Variants in GPHN observed in about 807,000 individuals in gnomAD.
GPHN encodes the protein gephyrin.
GPHN carries 17 observed loss-of-function variants against 95.5 expected under a neutral mutation model. The ratio of observed to expected loss-of-function variants is 0.18; its 90% CI spans 0.12 to 0.27. The LOEUF is 0.27. GPHN is among the 10% of genes least tolerant of loss of function. GPHN has a pLI of 1.00. For missense variants in GPHN, 660 were observed against 978.1 expected, an observed-to-expected ratio of 0.67 and a Z score of 4.34; for synonymous variants, 320 against 322.5, an observed-to-expected ratio of 0.99 and a Z score of 0.08.
intron 1 of GPHN, among the ~76,000 whole-genome samples, chr14:66,585,414 T>A (rs988314040): frequency 5.9e-5 from 9 of 152,226 alleles, no homozygotes; most frequent in Non-Finnish European, 2.9e-5. Context: ...TCTTATTTAT[T>A]TCTTGCATTC....
intron 21 of GPHN, among the ~76,000 whole-genome samples, chr14:67,179,311 A>C (rs915799029): frequency 1.3e-5 from 2 of 152,184 alleles, no homozygotes; most frequent in Admixed American, 6.5e-5. Flanking sequence ...ACTGGAGCCC[A>C]GGAGGTCAAG....
At chr14:66,703,271 A>G (rs2068734360) in intron 2 of GPHN, among the ~76,000 whole-genome samples, 1 of 152,194 alleles carries the variant, frequency 6.6e-6, no homozygotes, top group African/African-American at 2.4e-5. Flanking sequence ...AGACAGGCCA[A>G]CATGCAAATT....
intron 10 of GPHN, among the ~76,000 whole-genome samples, chr14:67,054,370 A>G (rs2075449659): frequency 6.6e-6 from 1 of 152,218 alleles, no homozygotes; most frequent in African/African-American, 2.4e-5. Context: ...AAGAGAAAAA[A>G]TACCTAGGAA....
chr14:66,704,010 G>T (rs1218088944), intron 2 of GPHN, among the ~76,000 whole-genome samples: 1 of 150,810 alleles, frequency 6.6e-6, no homozygotes, highest in Non-Finnish European at 1.5e-5. Context: ...AAGGGCAGGA[G>T]TTGCAATCCT....
At chr14:67,000,283 G>A (rs1159920335) in intron 9 of GPHN, among the ~76,000 whole-genome samples, 2 of 151,542 alleles carry the variant, frequency 1.3e-5, no homozygotes, top group African/African-American at 4.8e-5. Context: ...AAGAAAAGAA[G>A]GGAGAGAGGA....
At chr14:67,013,633 T>C (rs928208355) in intron 9 of GPHN, among the ~76,000 whole-genome samples, 4 of 152,044 alleles carry the variant, frequency 2.6e-5, no homozygotes, top group African/African-American at 9.7e-5. Context: ...TAGTGCAGTA[T>C]AGACATATAT....
chr14:66,565,784 A>G (rs2140317203), intron 1 of GPHN, among the ~76,000 whole-genome samples: 1 of 152,306 alleles, frequency 6.6e-6, no homozygotes, highest in East Asian at 1.9e-4. Context: ...TGTGTGAACT[A>G]ACAGATATTA....
At chr14:67,431,957 A>C in the GPHN span, among the ~76,000 whole-genome samples, 1 of 152,184 alleles carries the variant, frequency 6.6e-6, no homozygotes, top group African/African-American at 2.4e-5. Flanking sequence ...TCTTTATTTA[A>C]TGTGTTCATG....
intron 1 of GPHN, among the ~76,000 whole-genome samples, chr14:66,587,952 C>G (rs919596133): frequency 2.0e-5 from 3 of 152,210 alleles, no homozygotes; most frequent in African/African-American, 7.2e-5. Flanking sequence ...GGAGACACCT[C>G]CCAGCAAGGG....
At chr14:67,283,722 AT>A in the GPHN span, among the ~76,000 whole-genome samples, 3 of 152,200 alleles carry the variant, frequency 2.0e-5, no homozygotes, top group Non-Finnish European at 4.4e-5. Context: ...AGACCTAAAG[AT>A]GTAAAAATTC....
chr14:67,254,027 C>T, the GPHN span, among the ~76,000 whole-genome samples: 7 of 124,346 alleles, frequency 5.6e-5, no homozygotes, highest in African/African-American at 2.2e-4. Context: ...TATATTCATC[C>T]CCCCCCCCTT....
chr14:66,561,415 G>A (rs1254222812), intron 1 of GPHN, among the ~76,000 whole-genome samples: 3 of 152,114 alleles, frequency 2.0e-5, no homozygotes, highest in African/African-American at 7.2e-5. Flanking sequence ...CACAATTTCA[G>A]AGCCTGTTAT....
At chr14:66,679,040 C>T (rs10132878) in intron 1 of GPHN, among the ~76,000 whole-genome samples, 46,953 of 151,964 alleles carry the variant, frequency 0.31, 10,982 homozygotes, top group African/African-American at 0.63. Flanking sequence ...GTGGCCTTAC[C>T]ACTGGAGTTC....
chr14:66,710,509 A>G (rs889591145), intron 2 of GPHN, among the ~76,000 whole-genome samples: 31 of 152,188 alleles, frequency 2.0e-4, no homozygotes, highest in African/African-American at 7.5e-4. Context: ...ATTTCTTTTT[A>G]TGGTAACTCA....
At chr14:67,244,284 G>A in the GPHN span, among the ~76,000 whole-genome samples, 1 of 152,178 alleles carries the variant, frequency 6.6e-6, no homozygotes, top group Non-Finnish European at 1.5e-5. Flanking sequence ...TGGAATTGCT[G>A]ATAATAGGTT....
chr14:67,449,072 A>T, the GPHN span, among the ~76,000 whole-genome samples: 1 of 152,122 alleles, frequency 6.6e-6, no homozygotes, highest in Non-Finnish European at 1.5e-5. Flanking sequence ...AAGGGCCCAG[A>T]CCCTTTTAGG....
chr14:67,423,506 T>G, the GPHN span, among the ~76,000 whole-genome samples: 1 of 150,310 alleles, frequency 6.7e-6, no homozygotes, highest in Non-Finnish European at 1.5e-5. Flanking sequence ...GGACCACAGG[T>G]GAGGGAGGGG....
At chr14:67,505,679 A>T in the GPHN span, among the ~76,000 whole-genome samples, 2 of 150,900 alleles carry the variant, frequency 1.3e-5, no homozygotes, top group Non-Finnish European at 2.9e-5. Context: ...CTGAGGAAGG[A>T]GCAATGATCT....
At chr14:67,604,515 C>T in the GPHN span, among the ~76,000 whole-genome samples, 1 of 148,620 alleles carries the variant, frequency 6.7e-6, no homozygotes, top group Non-Finnish European at 1.5e-5. Context: ...GGCAACATAG[C>T]GAGACTCTGA....
Sources: gnomAD v4.1 joint callset for allele counts (sites outside exome capture counted in the v4.1 genomes callset) on GRCh38, gnomAD v4.1.1 for gene constraint, MANE v1.5 for transcripts, NCBI Gene and HGNC (gene_info 2026-07-23, HGNC 2026-07-21) for gene names.